Variants in FAM9B observed in about 807,000 individuals in gnomAD.
The protein encoded by FAM9B is protein FAM9B.
In FAM9B, 18 loss-of-function variants were observed where a neutral mutation model predicts 16.6. The ratio of observed to expected loss-of-function variants is 1.09; its 90% confidence interval spans 0.75 to 1.61. The LOEUF is 1.61. Among genes scored for constraint, FAM9B ranks in the 40% most tolerant of loss-of-function variants. FAM9B has a pLI of 0.00. For synonymous variants in FAM9B, 43 were observed against 42.6 expected (o/e 1.01, Z -0.03); for missense variants, 155 against 136.0 (o/e 1.14, Z -0.70).
chrX:9,033,414 G>A (rs1481150868), intron 1 of FAM9B: 1 of 927,344 alleles, frequency 1.1e-6, no homozygotes, highest in Admixed American at 4.7e-5. Context: ...GATCTCCCCA[G>A]CCACCTCTAG....
chrX:9,033,659 C>T (rs1181806117), intron 1 of FAM9B, 193 bp downstream of exon 1: 2 of 673,451 alleles, frequency 3.0e-6, no homozygotes, highest in Non-Finnish European at 3.5e-6. Flanking sequence ...ACCCAGGCAG[C>T]TCCAGCTCCC....
At chrX:9,033,735 C>T (rs1921169799) in intron 1 of FAM9B, 117 bp downstream of exon 1, 1 of 740,524 alleles carries the variant, frequency 1.4e-6, no homozygotes, top group African/African-American at 2.5e-5. Context: ...ACCCAGGCCC[C>T]AGGCGACGAC....
chrX:9,029,796 G>GA (rs1921015180), intron 5 of FAM9B, among the ~76,000 whole-genome samples: 1 of 111,887 alleles, frequency 8.9e-6, no homozygotes, highest in Non-Finnish European at 1.9e-5. Flanking sequence ...TTTCCCAAAA[G>GA]AAAAACTTCA....
intron 1 of FAM9B, chrX:9,033,635 G>A: frequency 8.1e-6 from 3 of 370,912 alleles, no homozygotes; most frequent in Non-Finnish European, 9.7e-6. Flanking sequence ...GGACCCTCCC[G>A]GGCCCTAGGG....
intron 1 of FAM9B, 152 bp downstream of exon 1, chrX:9,033,700 A>ACCCCCCCCCCCCCG: frequency 9.8e-6 from 1 of 101,854 alleles, no homozygotes; most frequent in Non-Finnish European, 1.2e-5. Context: ...AGCCCACCCT[A>ACCCCCCCCCCCCCG]GCCCACCCTC....
chrX:9,032,855 G>A (rs1472573413), intron 2 of FAM9B, 104 bp downstream of exon 2: 3 of 1,079,868 alleles, frequency 2.8e-6, no homozygotes. Flanking sequence ...GAGCCACGAA[G>A]GGGCCTGGGG....
At chrX:9,032,868 T>C in intron 2 of FAM9B, 91 bp downstream of exon 2, 18 of 1,133,066 alleles carry the variant, frequency 1.6e-5, no homozygotes, top group Non-Finnish European at 2.0e-5. Context: ...GCCTGGGGCC[T>C]CGGGCTGCCC....
intron 5 of FAM9B, among the ~76,000 whole-genome samples, chrX:9,029,838 G>T (rs1465012968): frequency 8.9e-6 from 1 of 112,087 alleles, no homozygotes; most frequent in Non-Finnish European, 1.9e-5. Flanking sequence ...GCACACCAAT[G>T]ATTTTGTAAA....
At chrX:9,032,553 TGG>T (rs149136773) in intron 2 of FAM9B, 92 bp from the exon 3 acceptor site, 5,326 of 285,078 alleles carry the variant, frequency 0.019, 108 homozygotes, top group African/African-American at 0.065. Context: ...TAGACTTTTT[TGG>T]GGGGGGGGGG....
chrX:9,030,429 T>C, intron 4 of FAM9B, 69 bp from the exon 5 acceptor site: 2 of 771,822 alleles, frequency 2.6e-6, no homozygotes, highest in Non-Finnish European at 3.7e-6. Context: ...TTTCTTTGCA[T>C]ATACTGACAT....
At chrX:9,026,554 T>A (rs1920968627) in intron 7 of FAM9B, among the ~76,000 whole-genome samples, 1 of 111,132 alleles carries the variant, frequency 9.0e-6, no homozygotes, top group Non-Finnish European at 1.9e-5. Context: ...CAATGAAGGA[T>A]GGCTCAGAAG....
chrX:9,032,417 T>C lies in FAM9B; in HGVS notation c.73A>G (p.Thr25Ala). 5.0e-6 allele frequency: 6 copies of C among 1,211,816 alleles called. No homozygotes were observed. The highest frequency in any genetic ancestry group is 4.5e-6 in the Non-Finnish European group (4 of 895,543). Residue 25 changes from threonine to alanine, a missense_variant, in exon 3 of 9, where the codon ACA becomes GCA. Physicochemically the swap from Thr to Ala is moderately conservative, Grantham distance 58 (BLOSUM62 0). Coordinates refer to ENST00000327220, the MANE Select transcript of FAM9B (RefSeq NM_205849.3). ...RDECEERNRF[T>A]ETREEDVTDE... is the part of the protein sequence containing the mutation. ...GTTACATCTTCCTCCCTTGTTTCTG[T>C]AAAACGGTTTCTTTCCTCACATTCA...
intron 5 of FAM9B, among the ~76,000 whole-genome samples, chrX:9,029,657 T>A (rs1339857487): frequency 9.0e-6 from 1 of 111,481 alleles, no homozygotes; most frequent in East Asian, 2.8e-4. Context: ...CAAAGGAGGG[T>A]TTACTGCACT....
chrX:9,030,210 A>G (rs1483731302), intron 5 of FAM9B, 51 bp downstream of exon 5: 2 of 1,163,110 alleles, frequency 1.7e-6, no homozygotes, highest in African/African-American at 3.6e-5. Context: ...GCACCAACTA[A>G]TACAAAGAAA....
chrX:9,031,123 C>T (rs1424067039), intron 4 of FAM9B: 1 of 111,709 alleles, frequency 9.0e-6, no homozygotes, highest in East Asian at 2.8e-4. Context: ...ATATTTTTTA[C>T]ATACAGTCTC....
chrX:9,032,109 C>T, intron 4 of FAM9B, 21 bp downstream of exon 4: 1 of 1,195,426 alleles, frequency 8.4e-7, no homozygotes, highest in African/African-American at 1.8e-5. Flanking sequence ...TCATAAACTA[C>T]AGATAACTCC....
intron 6 of FAM9B, among the ~76,000 whole-genome samples, chrX:9,028,672 G>A (rs1920991881): frequency 9.0e-6 from 1 of 111,387 alleles, no homozygotes; most frequent in African/African-American, 3.3e-5. Context: ...TGGTTTCCGA[G>A]CTAGCAATGG....
chrX:9,029,896 A>G (rs1921018402), intron 5 of FAM9B, among the ~76,000 whole-genome samples: 1 of 112,455 alleles, frequency 8.9e-6, no homozygotes, highest in Admixed American at 9.4e-5. Context: ...TATTTACAAC[A>G]TAAGGTTATC....
intron 1 of FAM9B, 173 bp downstream of exon 1, chrX:9,033,679 T>TTG: frequency 2.9e-5 from 4 of 138,956 alleles, no homozygotes; most frequent in Non-Finnish European, 4.2e-5. Context: ...CTCCCTGCCC[T>TTG]GGCCCACCCC....
Sources: gnomAD v4.1 joint callset for allele counts (sites outside exome capture counted in the v4.1 genomes callset) on GRCh38, gnomAD v4.1.1 for gene constraint, MANE v1.5 for transcripts, NCBI Gene and HGNC (gene_info 2026-07-23, HGNC 2026-07-21) for gene names.